The following CTTN variants were observed in gnomAD, a reference collection of about 807,000 sequenced individuals.
The protein encoded by CTTN is cortactin.
CTTN carries 28 observed loss-of-function variants against 84.0 expected under a neutral mutation model. That is an observed-to-expected ratio of 0.33 (90% CI 0.25 to 0.46). The LOEUF (loss-of-function observed/expected upper bound fraction) is 0.46. Ranked by LOEUF, CTTN falls within the 20% of genes least tolerant of loss-of-function variation. CTTN has a pLI of 1.00. For missense variants in CTTN, 641 were observed against 723.8 expected (o/e 0.89, Z 1.31); for synonymous variants, 301 against 288.8 (o/e 1.04, Z -0.43).
At position 70,406,201 on chromosome 11, in the gene CTTN, C is replaced by T. The variant is rs73516269; in HGVS notation, c.-1+840C>T. On this transcript the variant is annotated intron_variant, in intron 2 of 17. Coordinates refer to ENST00000301843, the MANE Select transcript of CTTN (RefSeq NM_005231.4). ...TCTTCCCCAAGAGACAAAGTCGCAC[C>T]TAGAAATTTGAGAGCACGCTGCCCT... Among the ~76,000 whole-genome samples the T allele has an allele frequency of 8.8e-3, 1,339 of 152,312 alleles. 18 individuals are homozygous for T. The highest frequency in any genetic ancestry group is 0.031 in the African/African-American group (1,273 of 41,550).
intron 1 of CTTN, among the ~76,000 whole-genome samples, chr11:70,404,042 G>A (rs1310396168): frequency 1.3e-5 from 2 of 152,088 alleles, no homozygotes; most frequent in Admixed American, 1.3e-4. Context: ...GACCATGCCT[G>A]GCTAAATTTT....
In CTTN at chr11:70,436,034, G is replaced by C. The variant is rs2058414227; in HGVS notation, c.*872G>C. ...CCGGGCAGCCTGGGGCGGTGTGTGT[G>C]CCATGTCACAGCATGGCCTCTCGGC... On this transcript the variant is annotated 3_prime_UTR_variant, in exon 18 of 18. Transcript: ENST00000301843. 7.0e-7 allele frequency: 1 copy of C among 1,424,030 alleles called. No individual in the cohort carries two copies. The highest frequency in any genetic ancestry group is 9.1e-7 in the Non-Finnish European group (1 of 1,095,156). 88.2% of individuals were successfully genotyped at this position (1,424,030 alleles called of 1,614,324 possible).
chr11:70,400,751 T>C (rs2057969009), intron 1 of CTTN, among the ~76,000 whole-genome samples: 1 of 152,264 alleles, frequency 6.6e-6, no homozygotes, highest in Non-Finnish European at 1.5e-5. Context: ...CTGCCTTGTG[T>C]TGCAGTATTC....
intron 8 of CTTN, among the ~76,000 whole-genome samples, 172 bp downstream of exon 8, chr11:70,417,295 A>G (rs2058175137): frequency 2.0e-5 from 3 of 152,172 alleles, no homozygotes; most frequent in African/African-American, 4.8e-5. Flanking sequence ...ACAGTTCCCC[A>G]TCGTATGAGG....
At chr11:70,432,622 T>A (rs973931455) in intron 15 of CTTN, among the ~76,000 whole-genome samples, 1 of 152,262 alleles carries the variant, frequency 6.6e-6, no homozygotes, top group South Asian at 2.1e-4. Context: ...GGCGATGCCC[T>A]GTCTGTAGGC....
rs576062992 is a variant in CTTN, at chr11:70,435,458, C to T, written c.*296C>T. 55 of 1,525,976 alleles carry T rather than the reference C, an allele frequency of 3.6e-5. No individual in the cohort carries two copies. In the African/African-American group the frequency reaches 5.3e-4, roughly 15 times the overall value. The allele number at this position is 1,525,976 out of a possible 1,614,324, so 94.5% of individuals were successfully genotyped here. On this transcript the variant is annotated 3_prime_UTR_variant, in exon 18 of 18. Coordinates refer to ENST00000301843, the MANE Select transcript of CTTN (RefSeq NM_005231.4). ...TTCTTTTTTGCCAAATTGACTGTCA[C>T]GCGGCAGCTTCAGGGAGCTCGCATT...
intron 4 of CTTN, 45 bp from the exon 5 acceptor site, chr11:70,409,786 C>G (rs377059104): frequency 6.3e-7 from 1 of 1,599,016 alleles, no homozygotes. Flanking sequence ...CAAAGCTGCA[C>G]GTCTGTTTTA....
chr11:70,415,058 C>A (rs748263590), intron 6 of CTTN, among the ~76,000 whole-genome samples: 1 of 152,166 alleles, frequency 6.6e-6, no homozygotes, highest in Non-Finnish European at 1.5e-5. Flanking sequence ...TTGCAGTCAT[C>A]CTAGGCCCGA....
At chr11:70,423,168 C>T (rs2058261116) in intron 12 of CTTN, among the ~76,000 whole-genome samples, 173 bp downstream of exon 12, 1 of 152,014 alleles carries the variant, frequency 6.6e-6, no homozygotes, top group Non-Finnish European at 1.5e-5. Flanking sequence ...TCCTCATGGC[C>T]GTGCTGTGGG....
rs147744807 is a variant in CTTN at position 70,433,153 on chromosome 11, C to G, written c.1319C>G (p.Thr440Arg). 3.7e-6 allele frequency: 6 copies of G among 1,613,802 alleles called. No homozygotes were observed. The highest frequency in any genetic ancestry group is 5.1e-6 in the Non-Finnish European group (6 of 1,180,008). ...AGCTACAGAGGCCCTGTGAGTGGGA[C>G]GGAGCCGGAGCCCGTGTACAGCATG... ...ELSYRGPVSGTEPEPVYSMEA... is the reference protein window; with the variant it reads ...ELSYRGPVSGREPEPVYSMEA... The change falls in exon 16 of 18, where the codon ACG (threonine) becomes AGG (arginine). Residue 440 changes from threonine to arginine, a missense_variant. Physicochemically the swap from Thr to Arg is moderately conservative, Grantham distance 71. This residue lies in a region of CTTN where 289 missense variants were observed against 273.1 expected (regional missense o/e 1.06). Transcript: ENST00000301843.
At chr11:70,424,856 A>G (rs560611322) in intron 12 of CTTN, among the ~76,000 whole-genome samples, 4 of 152,228 alleles carry the variant, frequency 2.6e-5, no homozygotes, top group African/African-American at 7.2e-5. Context: ...GAGCCCTGAC[A>G]GTCTCCACCT....
Position 70,435,861 on chromosome 11 carries a change from C to T in CTTN, c.*699C>T. Reference sequence around the variant, plus strand: ...GGGCTGCTGGGAGCCTCTCCTGTCCCCGCCGGGCAGTGTCACTGAGTCCTT... The same window carrying T: ...GGGCTGCTGGGAGCCTCTCCTGTCCTCGCCGGGCAGTGTCACTGAGTCCTT... On this transcript the variant is annotated 3_prime_UTR_variant, in exon 18 of 18. Coordinates refer to ENST00000301843, the MANE Select transcript of CTTN (RefSeq NM_005231.4). The T allele has an allele frequency of 6.6e-7, 1 of 1,510,804 alleles. No individual in the cohort carries two copies. The highest frequency in any genetic ancestry group is 8.8e-7 in the Non-Finnish European group (1 of 1,138,636). 93.6% of individuals were successfully genotyped at this position (1,510,804 alleles called of 1,614,324 possible).
chr11:70,423,085 T>C, intron 12 of CTTN, 90 bp downstream of exon 12: 1 of 1,461,956 alleles, frequency 6.8e-7, no homozygotes, highest in Non-Finnish European at 9.5e-7. Context: ...ATCCACGCGC[T>C]GGGGTGGGGC....
intron 2 of CTTN, 152 bp from the exon 3 acceptor site, chr11:70,407,146 C>A: frequency 3.3e-6 from 2 of 597,904 alleles, no homozygotes; most frequent in Admixed American, 3.2e-5. Flanking sequence ...GGTTGTCAGT[C>A]AGGCTTATGG....
intron 14 of CTTN, among the ~76,000 whole-genome samples, chr11:70,429,631 C>T (rs1234922201): frequency 1.3e-5 from 2 of 152,124 alleles, no homozygotes; most frequent in African/African-American, 2.4e-5. Flanking sequence ...AGGCAGCCTG[C>T]TCTCGGGGCC....
At chr11:70,413,897 A>AC (rs1299475590) in intron 5 of CTTN, among the ~76,000 whole-genome samples, 2 of 152,138 alleles carry the variant, frequency 1.3e-5, no homozygotes, top group Non-Finnish European at 2.9e-5. Flanking sequence ...AGCAGTCTCC[A>AC]CACCAGCGGG....
chr11:70,429,829 G>A (rs1022619498), intron 14 of CTTN, among the ~76,000 whole-genome samples: 7 of 152,148 alleles, frequency 4.6e-5, no homozygotes, highest in Admixed American at 4.6e-4. Context: ...CTGGATCAGG[G>A]GGGTTGTGAA....
intron 12 of CTTN, among the ~76,000 whole-genome samples, chr11:70,423,544 A>C (rs754704032): frequency 2.0e-5 from 3 of 152,212 alleles, no homozygotes; most frequent in Non-Finnish European, 4.4e-5. Flanking sequence ...GGGCGTAGGC[A>C]GGCAGAGCAG....
intron 12 of CTTN, among the ~76,000 whole-genome samples, chr11:70,424,002 A>G (rs1178791138): frequency 6.6e-6 from 1 of 152,158 alleles, no homozygotes; most frequent in African/African-American, 2.4e-5. Flanking sequence ...CAAGGGACGC[A>G]GGGGAGGGAG....
Sources: allele counts gnomAD v4.1 joint callset (sites outside exome capture counted in the v4.1 genomes callset), GRCh38; gene constraint gnomAD v4.1.1; regional missense constraint gnomAD v4.1.1; transcripts MANE v1.5; gene names NCBI Gene and HGNC (gene_info 2026-07-23, HGNC 2026-07-21).